Variants in LPP observed in about 807,000 individuals in gnomAD.
The protein encoded by LPP is lipoma-preferred partner.
A neutral mutation model predicts 60.4 loss-of-function variants in LPP; 38 were observed. That is an observed-to-expected ratio of 0.63 (90% CI 0.49 to 0.83). The LOEUF (loss-of-function observed/expected upper bound fraction) is 0.83. LPP is among the 40% of genes least tolerant of loss of function. The probability of loss-of-function intolerance (pLI) is 0.00; values close to 1 mark genes in which losing one functional copy is unlikely to be tolerated. For missense variants in LPP, 902 were observed against 783.6 expected (o/e 1.15, Z -1.80); for synonymous variants, 328 against 290.8 (o/e 1.13, Z -1.30).
chr3:188,159,781 G>T (rs777170048), intron 1 of LPP, among the ~76,000 whole-genome samples: 4 of 152,328 alleles, frequency 2.6e-5, no homozygotes, highest in African/African-American at 9.6e-5. Flanking sequence ...AGAGCTGAGG[G>T]TTGTGAGATT....
chr3:188,317,474 T>A (rs780176461), intron 2 of LPP, among the ~76,000 whole-genome samples: 2 of 152,222 alleles, frequency 1.3e-5, no homozygotes, highest in African/African-American at 2.4e-5. Context: ...TGTGACTTTG[T>A]GTCTCCTTCT....
chr3:188,250,953 C>T (rs1330608583), intron 2 of LPP, among the ~76,000 whole-genome samples: 3 of 35,752 alleles, frequency 8.4e-5, no homozygotes, highest in African/African-American at 1.2e-4. Flanking sequence ...CCTTCCCTTC[C>T]CTTCCCTTCC....
At chr3:188,631,797 C>G (rs563471378) in intron 7 of LPP, among the ~76,000 whole-genome samples, 11 of 152,144 alleles carry the variant, frequency 7.2e-5, no homozygotes, top group Admixed American at 5.9e-4. Context: ...TATACAATGA[C>G]GATGGGTGAT....
chr3:188,390,316 C>T (rs1008603844), intron 3 of LPP, among the ~76,000 whole-genome samples: 1 of 152,130 alleles, frequency 6.6e-6, no homozygotes, highest in African/African-American at 2.4e-5. Flanking sequence ...TGTAAAATCA[C>T]TGCTATATTT....
chr3:188,306,763 A>C lies in LPP; in HGVS notation c.-66-34900A>C, dbSNP rs570966552. ...GCGCTAGCTAATTATTGCCACGTGG[A>C]GATGCATCATTGCCAGATTTTTATG... On this transcript the variant is annotated intron_variant, in intron 2 of 11. Coordinates refer to ENST00000617246, the MANE Select transcript of LPP (RefSeq NM_001375462.1). Among the ~76,000 whole-genome samples the C allele has an allele frequency of 2.6e-5, 4 of 152,162 alleles. No individual in the cohort carries two copies. In the South Asian group the frequency reaches 8.3e-4, roughly 32 times the overall value.
intron 7 of LPP, among the ~76,000 whole-genome samples, chr3:188,666,913 G>A (rs750866543): frequency 6.6e-6 from 1 of 152,118 alleles, no homozygotes; most frequent in Admixed American, 6.5e-5. Flanking sequence ...TTACCTTAGA[G>A]GAGGCCACTA....
Position 188,538,274 on chromosome 3 carries a change from A to G in LPP, c.429+13487A>G, listed in dbSNP as rs1201552811. ...ACACCATCAAGAAAGTGAACAAACA[A>G]TCCGTGGAATTTGCAAATCATGTAT... On this transcript the variant is annotated intron_variant, in intron 6 of 11. Transcript: ENST00000617246. Among the ~76,000 whole-genome samples the G allele has an allele frequency of 4.6e-5, 7 of 152,212 alleles. No homozygotes were observed. The East Asian group carries it at 5.8e-4, about 13-fold the overall frequency.
intron 1 of LPP, among the ~76,000 whole-genome samples, chr3:188,157,670 G>C (rs1716911424): frequency 6.6e-6 from 1 of 152,148 alleles, no homozygotes; most frequent in South Asian, 2.1e-4. Context: ...GAGCACACAA[G>C]TGTGTGGTGT....
At chr3:188,493,127 C>T (rs1198483556) in intron 5 of LPP, among the ~76,000 whole-genome samples, 2 of 151,994 alleles carry the variant, frequency 1.3e-5, no homozygotes, top group Non-Finnish European at 1.5e-5. Context: ...GATGTATTTC[C>T]TGAGTCTTTG....
chr3:188,609,290 C>G lies in LPP; in HGVS notation c.559C>G (p.Gln187Glu), dbSNP rs1012241559. 1.2e-6 allele frequency: 2 copies of G among 1,614,016 alleles called. No individual in the cohort carries two copies. The highest frequency in any genetic ancestry group is 1.3e-5 in the African/African-American group (1 of 74,904). The change falls in exon 7 of 12, where the codon CAG becomes GAG. Residue 187 changes from glutamine to glutamate, a missense_variant. Transcript: ENST00000617246. The surrounding 1 kb of genome is among the most constrained non-coding windows in gnomAD (Gnocchi z 6.9). Reference protein sequence around the residue: ...KSTLKPQPAPQAGPIPVAPIG... With the variant: ...KSTLKPQPAPEAGPIPVAPIG... ...TACATTGAAACCACAGCCTGCACCC[C>G]AGGCTGGACCCATCCCTGTGGCTCC...
At chr3:188,644,334 T>C (rs955634956) in intron 7 of LPP, among the ~76,000 whole-genome samples, 5 of 152,180 alleles carry the variant, frequency 3.3e-5, no homozygotes, top group African/African-American at 1.2e-4. Context: ...AACAAACGTT[T>C]GGTAGGATGA....
chr3:188,171,471 C>G (rs1721566793), intron 1 of LPP, among the ~76,000 whole-genome samples: 1 of 152,186 alleles, frequency 6.6e-6, no homozygotes, highest in African/African-American at 2.4e-5. Flanking sequence ...TCACCTTTTT[C>G]CCTTCAGGCT....
chr3:188,567,092 T>A (rs1222587836), intron 6 of LPP, among the ~76,000 whole-genome samples: 5 of 151,926 alleles, frequency 3.3e-5, no homozygotes, highest in African/African-American at 4.8e-5. Context: ...CAGGACACCA[T>A]ACCCTTCAGT....
intron 6 of LPP, among the ~76,000 whole-genome samples, chr3:188,578,010 A>G (rs1560588143): frequency 6.6e-6 from 1 of 152,092 alleles, no homozygotes; most frequent in Non-Finnish European, 1.5e-5. Flanking sequence ...GTACTACAGT[A>G]GAAAAAGAGA....
chr3:188,346,251 CTTTTTTTTTTTTTT>C (rs1050679907), intron 3 of LPP, among the ~76,000 whole-genome samples: 5 of 88,344 alleles, frequency 5.7e-5, no homozygotes, highest in South Asian at 4.3e-4. Flanking sequence ...AGTAGCAAAT[CTTTTTTTTTTTTTT>C]TTTTTTTTTT....
chr3:188,804,243 TTATATATATATATATATATA>T (rs60989319), intron 9 of LPP, among the ~76,000 whole-genome samples: 450 of 37,712 alleles, frequency 0.012, 33 homozygotes, highest in East Asian at 0.053. Context: ...TAGTGCATCT[TTATATATATATATATATATA>T]TATATATATA....
At chr3:188,270,837 A>G (rs895847256) in intron 2 of LPP, among the ~76,000 whole-genome samples, 1 of 152,190 alleles carries the variant, frequency 6.6e-6, no homozygotes, top group African/African-American at 2.4e-5. Context: ...GTTTAAGTCA[A>G]TGCTGGCATG....
At chr3:188,669,199 T>C (rs1179612098) in intron 7 of LPP, among the ~76,000 whole-genome samples, 2 of 152,082 alleles carry the variant, frequency 1.3e-5, no homozygotes, top group Admixed American at 1.3e-4. Context: ...CACCCTGAGA[T>C]TGGTAATCAA....
At chr3:188,156,451 G>A (rs770797245) in intron 1 of LPP, among the ~76,000 whole-genome samples, 1 of 152,202 alleles carries the variant, frequency 6.6e-6, no homozygotes, top group Non-Finnish European at 1.5e-5. Context: ...AGGGTTTTGA[G>A]CAGGCTGAGA....
Sources: allele counts gnomAD v4.1 joint callset (sites outside exome capture counted in the v4.1 genomes callset), GRCh38; gene constraint gnomAD v4.1.1; non-coding constraint Gnocchi (gnomAD v3.1); transcripts MANE v1.5; gene names NCBI Gene and HGNC (gene_info 2026-07-23, HGNC 2026-07-21).